CDAN1: variants seen among roughly 807,000 people sequenced by gnomAD.
CDAN1 encodes the protein codanin 1.
A neutral mutation model predicts 139.8 loss-of-function variants in CDAN1; 107 were observed. That is an observed-to-expected ratio of 0.77 (90% CI 0.65 to 0.90). The LOEUF is 0.90. Ranked by LOEUF, CDAN1 falls within the 40% of genes least tolerant of loss-of-function variation. CDAN1 has a pLI of 0.00. For missense variants in CDAN1, 1,667 were observed against 1,575.7 expected (o/e 1.06, Z -0.98); for synonymous variants, 776 against 660.6 (o/e 1.17, Z -2.68).
intron 6 of CDAN1, among the ~76,000 whole-genome samples, chr15:42,734,725 C>T (rs1447630876): frequency 1.3e-5 from 2 of 151,896 alleles, no homozygotes; most frequent in Non-Finnish European, 2.9e-5. Flanking sequence ...GGAGATCCTT[C>T]CACCTCAGCC....
At position 42,729,611 on chromosome 15, in the gene CDAN1, A is replaced by G; in HGVS notation, c.2364T>C (p.Pro788=). 6.2e-7 allele frequency: 1 copy of G among 1,614,118 alleles called. No individual in the cohort carries two copies. The highest frequency in any genetic ancestry group is 8.5e-7 in the Non-Finnish European group (1 of 1,180,010). The stretch of plus-strand genomic sequence containing the variant: ...TGTAGAGCAGCTGCTGGTCCACCAC[A>G]GGCGCATTGTCCTGGGGAGAAAAGG... ...VAPEHGLDNA[P]VVDQQLLYTC... Residue 788 remains proline, a synonymous_variant, in exon 17 of 28, where the codon CCT becomes CCC. Transcript: ENST00000356231.
intron 8 of CDAN1, 36 bp from the exon 9 acceptor site, chr15:42,733,222 C>T: frequency 1.3e-6 from 2 of 1,549,618 alleles, no homozygotes; most frequent in Non-Finnish European, 1.8e-6. Flanking sequence ...CCGAGGCACT[C>T]ACTCCCACCA....
rs563734474 is a variant in CDAN1 at position 42,729,398 on chromosome 15, C to T, written c.2408-36G>A. On this transcript the variant is annotated intron_variant, in intron 17 of 27. Transcript: ENST00000356231. ...GAAGTCCAAGTTCTCAGTTCCAGAA[C>T]CCTCTCCCCTCCCTAAGTATCATGG... 5 of 1,613,528 alleles carry T rather than the reference C, an allele frequency of 3.1e-6. No individual in the cohort carries two copies. The South Asian group carries it at 5.5e-5, about 18-fold the overall frequency.
intron 23 of CDAN1, chr15:42,726,635 C>T: frequency 1.7e-6 from 1 of 592,040 alleles, no homozygotes; most frequent in South Asian, 2.0e-5. Context: ...AGATGGAGGT[C>T]AGCTGAGGGA....
chr15:42,729,933 ACCCAC>A, intron 15 of CDAN1, 48 bp from the exon 16 acceptor site: 1 of 1,014,646 alleles, frequency 9.9e-7, no homozygotes, highest in Non-Finnish European at 1.4e-6. Flanking sequence ...CCCCCACCCA[ACCCAC>A]CCCACCTCCT....
chr15:42,734,903 GCCA>G (rs1009788049), intron 6 of CDAN1, among the ~76,000 whole-genome samples, 194 bp downstream of exon 6: 8 of 151,650 alleles, frequency 5.3e-5, no homozygotes, highest in Admixed American at 1.3e-4. Flanking sequence ...GCAGGCGTGA[GCCA>G]CCACACCTGG....
Position 42,736,626 on chromosome 15 carries a change from A to C in CDAN1, c.245T>G (p.Leu82Trp), listed in dbSNP as rs2061692032. ...PAKTPGASAA[L>W]PGRPGGPPRG... is the part of the protein sequence containing the mutation. Reference sequence around the variant, plus strand: ...CGGCGGGCCTCCCGGCCTCCCTGGCAAGGCTGCCGAGGCGCCCGGGGTCTT... The same window carrying C: ...CGGCGGGCCTCCCGGCCTCCCTGGCCAGGCTGCCGAGGCGCCCGGGGTCTT... The change falls in exon 2 of 28, where the codon TTG becomes TGG. Residue 82 changes from leucine (L) to tryptophan (W), a missense_variant. By Grantham distance (61) the Leu-to-Trp change is moderately conservative (BLOSUM62 -2). Transcript: ENST00000356231. 2 of 1,512,012 alleles carry C rather than the reference A, an allele frequency of 1.3e-6. No individual in the cohort carries two copies. Among genetic ancestry groups the C allele is most frequent in the Non-Finnish European group, 1.8e-6 (2 of 1,130,896 alleles). The allele number at this position is 1,512,012 out of a possible 1,614,324, so 93.7% of individuals were successfully genotyped here.
chr15:42,732,032 T>C (rs2140491248), intron 10 of CDAN1, among the ~76,000 whole-genome samples: 1 of 152,350 alleles, frequency 6.6e-6, no homozygotes, highest in Admixed American at 6.5e-5. Flanking sequence ...CTAGGGTCAC[T>C]AGAGCTAGGA....
At chr15:42,724,940 C>CAACT (rs929561111) in intron 27 of CDAN1, 4 of 648,860 alleles carry the variant, frequency 6.2e-6, no homozygotes, top group African/African-American at 1.8e-5. Flanking sequence ...TGCTGCTTTC[C>CAACT]AACTAACTGC....
Position 42,724,152 on chromosome 15 carries a change from T to C in CDAN1, c.*339A>G, listed in dbSNP as rs1156732660. On this transcript the variant is annotated 3_prime_UTR_variant, in exon 28 of 28. Coordinates refer to ENST00000356231, the MANE Select transcript of CDAN1 (RefSeq NM_138477.4). ...CATGAATTCCAAGACTACAAAGTTT[T>C]AAGAGATGCTGGGATAGCAAATGAG... 2.0e-5 allele frequency: 7 copies of C among 353,886 alleles called. No individual in the cohort carries two copies. The East Asian group carries it at 4.9e-4, about 25-fold the overall frequency. The allele number at this position is 353,886 out of a possible 1,614,324, so 21.9% of individuals were successfully genotyped here.
chr15:42,729,679 C>T, intron 16 of CDAN1, 57 bp from the exon 17 acceptor site: 2 of 1,606,396 alleles, frequency 1.2e-6, no homozygotes, highest in South Asian at 1.1e-5. Context: ...ACCCAGAAAG[C>T]AGGCAGTTGG....
intron 27 of CDAN1, 186 bp downstream of exon 27, chr15:42,724,958 T>C: frequency 1.5e-6 from 1 of 665,722 alleles, no homozygotes; most frequent in Non-Finnish European, 2.7e-6. Flanking sequence ...TGCCTGCCTT[T>C]CGTCCGTCTT....
intron 15 of CDAN1, 37 bp from the exon 16 acceptor site, chr15:42,729,922 A>ACCGGC: frequency 6.6e-7 from 1 of 1,513,202 alleles, no homozygotes; most frequent in East Asian, 2.3e-5. Flanking sequence ...AACTTCAGAG[A>ACCGGC]CCCCCACCCA....
chr15:42,731,491 AAGCC>A, intron 11 of CDAN1, 125 bp downstream of exon 11: 1 of 1,403,346 alleles, frequency 7.1e-7, no homozygotes, highest in Non-Finnish European at 1.0e-6. Flanking sequence ...AAGTGCAATG[AAGCC>A]AGCAAGTTGG....
intron 22 of CDAN1, 62 bp from the exon 23 acceptor site, chr15:42,727,831 C>T: frequency 6.2e-7 from 1 of 1,610,846 alleles, no homozygotes; most frequent in Non-Finnish European, 8.5e-7. Flanking sequence ...GTTCACCATG[C>T]TAACCCATGC....
At position 42,728,560 on chromosome 15, in the gene CDAN1, G is replaced by C. The variant is rs543119360; in HGVS notation, c.2804+92C>G. 6.7e-5 allele frequency: 103 copies of C among 1,539,060 alleles called. No individual in the cohort carries two copies. The Middle Eastern group carries it at 6.8e-4, about 10-fold the overall frequency. On this transcript the variant is annotated intron_variant, in intron 20 of 27. Transcript: ENST00000356231. ...GAGAAGAAAAAAGGAGGCATGAAGA[G>C]AAGAAAGGGAAAAAAGAGTAAGTGT...
chr15:42,735,355 G>A lies in CDAN1; in HGVS notation c.963C>T (p.Leu321=). 1 of 1,607,518 alleles carries A rather than the reference G, an allele frequency of 6.2e-7. No individual in the cohort carries two copies. Among genetic ancestry groups the A allele is most frequent in the Non-Finnish European group, 8.5e-7 (1 of 1,176,648 alleles). The part of the protein sequence containing the change: ...SCIAENLVPN[L]FLELFFVFQL... The stretch of plus-strand genomic sequence containing the variant: ...GAAAGACGAAGAAAAGCTCCAAGAA[G>A]AGGTTTGGTACCAGGTTCTCTAGAT... The change falls in exon 5 of 28, where the codon CTC becomes CTT. Residue 321 remains leucine (L), a synonymous_variant. Transcript: ENST00000356231.
At chr15:42,731,161 C>T (rs1416926298) in intron 12 of CDAN1, 50 bp downstream of exon 12, 1 of 1,614,074 alleles carries the variant, frequency 6.2e-7, no homozygotes, top group Non-Finnish European at 8.5e-7. Context: ...GAACATACTC[C>T]CTTCCCTCCT....
At position 42,737,106 on chromosome 15, in the gene CDAN1, G is replaced by A. The variant is rs776319103; in HGVS notation, c.-4C>T. On this transcript the variant is annotated 5_prime_UTR_variant, in exon 1 of 28. Coordinates refer to ENST00000356231, the MANE Select transcript of CDAN1 (RefSeq NM_138477.4). ...GCGACTCCAAAACGGCCGCCATCCCGGTCGGGGCGCTCTGGGGCGACTGCG... is the reference window on the plus strand; with the variant it reads ...GCGACTCCAAAACGGCCGCCATCCCAGTCGGGGCGCTCTGGGGCGACTGCG... 2.0e-6 allele frequency: 3 copies of A among 1,510,720 alleles called. No homozygotes were observed. The highest frequency in any genetic ancestry group is 2.7e-6 in the Non-Finnish European group (3 of 1,128,186). 93.6% of individuals were successfully genotyped at this position (1,510,720 alleles called of 1,614,324 possible).
Sources: allele counts gnomAD v4.1 joint callset (sites outside exome capture counted in the v4.1 genomes callset), GRCh38; gene constraint gnomAD v4.1.1; transcripts MANE v1.5; gene names NCBI Gene and HGNC (gene_info 2026-07-23, HGNC 2026-07-21).